The following FRMD4A variants were observed in gnomAD, a reference collection of about 807,000 sequenced individuals.
FRMD4A encodes the protein FERM domain-containing protein 4A.
In FRMD4A, 29 loss-of-function variants were observed where a neutral mutation model predicts 129.1. The ratio of observed to expected loss-of-function variants is 0.22; its 90% CI spans 0.17 to 0.31. The LOEUF is 0.31. Ranked by LOEUF, FRMD4A falls within the 10% of genes least tolerant of loss-of-function variation. The pLI is 1.00. For missense variants in FRMD4A, 1,272 were observed against 1,375.8 expected, an observed-to-expected ratio of 0.92 and a Z score of 1.19; for synonymous variants, 634 against 571.6, an observed-to-expected ratio of 1.11 and a Z score of -1.56.
intron 2 of FRMD4A, among the ~76,000 whole-genome samples, chr10:14,015,780 G>A (rs188707992): frequency 5.9e-5 from 9 of 152,046 alleles, no homozygotes; most frequent in African/African-American, 1.2e-4. Flanking sequence ...TCTCTTATAC[G>A]GCATATTCTA....
chr10:13,820,365 T>C (rs1349899382), intron 3 of FRMD4A, among the ~76,000 whole-genome samples: 2 of 151,614 alleles, frequency 1.3e-5, no homozygotes, highest in Admixed American at 1.3e-4. Context: ...TGGTGTTCTC[T>C]CTCCACTGTC....
intron 2 of FRMD4A, among the ~76,000 whole-genome samples, chr10:13,936,466 A>T (rs1434532344): frequency 5.3e-5 from 8 of 152,132 alleles, no homozygotes; most frequent in Admixed American, 3.9e-4. Context: ...TGATATTAGG[A>T]TGGAGAGACT....
intron 2 of FRMD4A, among the ~76,000 whole-genome samples, chr10:14,106,635 A>G (rs756070271): frequency 3.3e-5 from 5 of 152,124 alleles, no homozygotes; most frequent in Non-Finnish European, 7.4e-5. Flanking sequence ...ACCATTTCTC[A>G]CTTGCTTTAT....
chr10:13,897,986 G>T (rs926026497), intron 2 of FRMD4A, among the ~76,000 whole-genome samples: 4 of 150,342 alleles, frequency 2.7e-5, no homozygotes, highest in African/African-American at 9.8e-5. Flanking sequence ...CACAGCAAAG[G>T]ATCCTGGAGT....
At chr10:14,133,612 T>C (rs1488198046) in intron 2 of FRMD4A, among the ~76,000 whole-genome samples, 12 of 152,182 alleles carry the variant, frequency 7.9e-5, no homozygotes, top group Admixed American at 7.2e-4. Flanking sequence ...CACTCATCCT[T>C]TGCTGGCTGG....
chr10:13,971,853 CT>C, intron 2 of FRMD4A: 13 of 1,300,786 alleles, frequency 1.0e-5, no homozygotes, highest in Non-Finnish European at 1.2e-5. Context: ...ACATCCAGGG[CT>C]GTGTTCTTTT....
rs528506264 is a variant in FRMD4A, at chr10:14,065,465, G to A, written c.46-206553C>T. On this transcript the variant is annotated intron_variant, in intron 2 of 24. Coordinates refer to ENST00000357447, the MANE Select transcript of FRMD4A (RefSeq NM_018027.5). ...CAAAGTGCTGGGCTTGCAGATGTGA[G>A]CCACCATACCCGGCCCTAATTCAGT... Among the ~76,000 whole-genome samples, 13 of 152,310 alleles carry A rather than the reference G, an allele frequency of 8.5e-5. No individual in the cohort carries two copies. The East Asian group carries it at 2.5e-3, about 29-fold the overall frequency.
intron 19 of FRMD4A, 83 bp from the exon 20 acceptor site, chr10:13,660,636 G>A (rs1259383494): frequency 3.4e-5 from 27 of 795,154 alleles, no homozygotes; most frequent in Admixed American, 6.9e-5. Flanking sequence ...CCCTCCACCC[G>A]CACCTTGGAG....
chr10:14,100,146 T>G (rs1439537811), intron 2 of FRMD4A, among the ~76,000 whole-genome samples: 4 of 152,248 alleles, frequency 2.6e-5, no homozygotes, highest in Non-Finnish European at 5.9e-5. Flanking sequence ...TATGTCAACT[T>G]CATTTCCACT....
chr10:13,740,832 T>G (rs1412319238), intron 9 of FRMD4A, among the ~76,000 whole-genome samples: 1 of 145,074 alleles, frequency 6.9e-6, no homozygotes, highest in African/African-American at 2.6e-5. Context: ...TGTTTGTTTT[T>G]TTTTTTTTTT....
intron 2 of FRMD4A, among the ~76,000 whole-genome samples, chr10:14,285,959 T>C (rs939131064): frequency 1.4e-4 from 21 of 152,306 alleles, no homozygotes; most frequent in African/African-American, 4.3e-4. Context: ...AAACGCAAGA[T>C]GGCGGATCCA....
Position 13,657,272 on chromosome 10 carries a change from C to G in FRMD4A, c.2317G>C (p.Glu773Gln), listed in dbSNP as rs201864694. Residue 773 changes from glutamate (E) to glutamine (Q), a missense_variant, in exon 22 of 25, where the codon GAG becomes CAG. Physicochemically the swap from Glu to Gln is conservative, Grantham distance 29. Transcript: ENST00000357447. ...TGGCGCGCCTTGGACGGCGAGTCCT[C>G]GGCCAGCGTGGAGTAGTTGGCGTTC... The part of the protein sequence containing the change: ...QMNANYSTLA[E>Q]DSPSKARQRQ... The G allele has an allele frequency of 7.9e-5, 127 of 1,603,530 alleles. 1 individual carries two copies. The Admixed American group carries it at 2.0e-3, about 26-fold the overall frequency.
intron 15 of FRMD4A, among the ~76,000 whole-genome samples, chr10:13,689,551 T>TC (rs1207088896): frequency 8.2e-6 from 1 of 121,674 alleles, no homozygotes; most frequent in Non-Finnish European, 1.8e-5. Context: ...AGAAGATTCT[T>TC]TTTTTTTTTT....
intron 9 of FRMD4A, among the ~76,000 whole-genome samples, chr10:13,747,323 G>C (rs985492297): frequency 8.6e-5 from 13 of 151,930 alleles, no homozygotes; most frequent in African/African-American, 2.9e-4. Flanking sequence ...ACCTGAGTGA[G>C]GTCAGGAGTT....
chr10:13,708,690 G>C (rs557969571), intron 12 of FRMD4A, among the ~76,000 whole-genome samples: 1 of 152,180 alleles, frequency 6.6e-6, no homozygotes, highest in Non-Finnish European at 1.5e-5. Flanking sequence ...GCGCCTTAGC[G>C]GAGTCTATTA....
intron 12 of FRMD4A, among the ~76,000 whole-genome samples, chr10:13,718,958 AGTT>A (rs2089146389): frequency 6.6e-6 from 1 of 152,176 alleles, no homozygotes; most frequent in African/African-American, 2.4e-5. Context: ...GACACTCAAT[AGTT>A]GTCTGTTGAG....
chr10:13,963,925 T>C (rs894857628), intron 2 of FRMD4A, among the ~76,000 whole-genome samples: 3 of 152,246 alleles, frequency 2.0e-5, no homozygotes, highest in East Asian at 3.9e-4. Flanking sequence ...CACATGGATG[T>C]TCATTCTAGC....
At chr10:13,968,397 A>C (rs1049421189) in intron 2 of FRMD4A, among the ~76,000 whole-genome samples, 1 of 152,184 alleles carries the variant, frequency 6.6e-6, no homozygotes, top group African/African-American at 2.4e-5. Flanking sequence ...TTCAACAAAA[A>C]CAACATTTCA....
chr10:14,291,311 G>A (rs988018331), intron 2 of FRMD4A, among the ~76,000 whole-genome samples: 36 of 152,126 alleles, frequency 2.4e-4, no homozygotes, highest in African/African-American at 8.2e-4. Context: ...AAGAAAATTA[G>A]TGCTATTTCA....
Sources: gnomAD v4.1 joint callset for allele counts (sites outside exome capture counted in the v4.1 genomes callset) on GRCh38, gnomAD v4.1.1 for gene constraint, MANE v1.5 for transcripts, NCBI Gene and HGNC (gene_info 2026-07-23, HGNC 2026-07-21) for gene names.